The following EHF variants were observed in gnomAD, a reference collection of about 807,000 sequenced individuals.
EHF encodes ETS homologous factor.
EHF carries 14 observed loss-of-function variants against 45.1 expected under a neutral mutation model. The observed-to-expected ratio is 0.31, with a 90% CI of 0.21 to 0.49. The LOEUF is 0.49. Ranked by LOEUF, EHF falls within the 20% of genes least tolerant of loss-of-function variation. The probability of loss-of-function intolerance (pLI) is 0.99; values close to 1 mark genes in which losing one functional copy is unlikely to be tolerated. For missense variants in EHF, 282 were observed against 371.4 expected (o/e 0.76, Z 1.98); for synonymous variants, 136 against 131.8 (o/e 1.03, Z -0.22).
At chr11:34,645,252 A>G (rs1409965187) in intron 2 of EHF, among the ~76,000 whole-genome samples, 1 of 152,140 alleles carries the variant, frequency 6.6e-6, no homozygotes, top group African/African-American at 2.4e-5. Context: ...ACATATACAG[A>G]TGGTTAGCAC....
chr11:34,642,945 A>G (rs1241623993), intron 2 of EHF, among the ~76,000 whole-genome samples: 1 of 152,192 alleles, frequency 6.6e-6, no homozygotes, highest in Admixed American at 6.5e-5. Context: ...CCAAAATTCA[A>G]GGTTCCAGAT....
Position 34,651,813 on chromosome 11 carries a change from G to T in EHF, c.544+8G>T. On this transcript the variant is annotated splice_region_variant and intron_variant, in intron 6 of 8. Coordinates refer to ENST00000257831, the MANE Select transcript of EHF (RefSeq NM_012153.6). ...CCAGTCACCTTCCTGTTGGTAAGCT[G>T]TCATCACATCTGAGGCTGGGTATGC... 6.2e-7 allele frequency: 1 copy of T among 1,613,276 alleles called. No individual in the cohort carries two copies. The highest frequency in any genetic ancestry group is 1.3e-5 in the African/African-American group (1 of 75,014).
intron 1 of EHF, among the ~76,000 whole-genome samples, chr11:34,634,389 T>G (rs968251): frequency 0.085 from 12,991 of 152,274 alleles, 1,441 homozygotes; most frequent in East Asian, 0.61. Flanking sequence ...CTCCTTTGGC[T>G]TCAGAGGTAA....
In EHF at chr11:34,642,238, A is replaced by C. The variant is rs928108100; in HGVS notation, c.-3-390A>C. ...CACCAGCTTGGATTTTCATTGTTTG[A>C]AATTGCACTTTAAATACTTTAAATA... On this transcript the variant is annotated intron_variant, in intron 1 of 8. Transcript: ENST00000257831. 7.8e-5 allele frequency: 14 copies of C among 178,862 alleles called. No individual in the cohort carries two copies. The South Asian group carries it at 1.6e-3, about 20-fold the overall frequency. 11.1% of individuals were successfully genotyped at this position (178,862 alleles called of 1,614,324 possible). A position where few individuals can be genotyped will look rare whatever the true frequency, so the allele number is the denominator to read the frequency against.
intron 1 of EHF, among the ~76,000 whole-genome samples, chr11:34,631,115 T>A (rs1195605628): frequency 5.3e-5 from 8 of 152,222 alleles, no homozygotes; most frequent in Non-Finnish European, 8.8e-5. Context: ...CACTGCAACC[T>A]CCACCTCCTG....
At chr11:34,635,551 A>G (rs1345117497) in intron 1 of EHF, among the ~76,000 whole-genome samples, 1 of 147,106 alleles carries the variant, frequency 6.8e-6, no homozygotes, top group Non-Finnish European at 1.5e-5. Context: ...TCCCGGGTTC[A>G]AGTGATTCTC....
At chr11:34,638,973 G>C (rs1361842127) in intron 1 of EHF, among the ~76,000 whole-genome samples, 1 of 152,214 alleles carries the variant, frequency 6.6e-6, no homozygotes, top group Non-Finnish European at 1.5e-5. Context: ...TGATTTTGAT[G>C]GGGGACATGT....
At chr11:34,649,832 T>C (rs1402469943) in intron 4 of EHF, among the ~76,000 whole-genome samples, 1 of 152,220 alleles carries the variant, frequency 6.6e-6, no homozygotes, top group Non-Finnish European at 1.5e-5. Flanking sequence ...AAGCTTTCCA[T>C]AGACCTCCCT....
In EHF at chr11:34,649,201, T is replaced by C; in HGVS notation, c.406+120T>C. ...TTGCAGGAAACACAGGGAGGCCTTT[T>C]CCCTGGCTGTCTCTGATGGGCCACC... is the stretch of plus-strand genomic sequence containing the variant. On this transcript the variant is annotated intron_variant, in intron 4 of 8. Coordinates refer to ENST00000257831, the MANE Select transcript of EHF (RefSeq NM_012153.6). 4.1e-6 allele frequency: 4 copies of C among 986,182 alleles called. No individual in the cohort carries two copies. The South Asian group carries it at 5.9e-5, about 14-fold the overall frequency. 61.1% of individuals were successfully genotyped at this position (986,182 alleles called of 1,614,324 possible).
At chr11:34,648,880 C>A in intron 3 of EHF, 139 bp from the exon 4 acceptor site, 1 of 751,000 alleles carries the variant, frequency 1.3e-6, no homozygotes, top group Non-Finnish European at 2.1e-6. Context: ...ACAGAGAAAC[C>A]ACCTCCCATA....
chr11:34,656,871 A>C, intron 6 of EHF, 37 bp from the exon 7 acceptor site: 13 of 1,606,058 alleles, frequency 8.1e-6, no homozygotes, highest in Non-Finnish European at 1.1e-5. Flanking sequence ...AATTATAGGA[A>C]ATAGGTCAAT....
At chr11:34,656,048 C>T (rs1026918214) in intron 6 of EHF, among the ~76,000 whole-genome samples, 1 of 101,704 alleles carries the variant, frequency 9.8e-6, no homozygotes, top group African/African-American at 3.3e-5. Context: ...CTTTGGTCCT[C>T]CCAATACACA....
Position 34,663,240 on chromosome 11 carries a change from G to A in EHF, c.*4309G>A, listed in dbSNP as rs1056043096. Among the ~76,000 whole-genome samples, 2 of 151,888 alleles carry A rather than the reference G, an allele frequency of 1.3e-5. No homozygotes were observed. The highest frequency in any genetic ancestry group is 2.9e-5 in the Non-Finnish European group (2 of 67,970). On this transcript the variant is annotated 3_prime_UTR_variant, in exon 9 of 9. Transcript: ENST00000257831. ...TTTTTCAAAATATGTTTATTTGTTT[G>A]ATGGGTCCCAGGAAACACTAATAAA...
In EHF at chr11:34,622,212, G is replaced by A. The variant is rs553730573; in HGVS notation, c.-4+984G>A. On this transcript the variant is annotated intron_variant, in intron 1 of 8. Coordinates refer to ENST00000257831, the MANE Select transcript of EHF (RefSeq NM_012153.6). ...GAGGTGAGAAAGCGACATTTTCACC[G>A]TCCATCTTTGCTGATTTACCATGCT... is the stretch of plus-strand genomic sequence containing the variant. 1.2e-4 allele frequency: 27 copies of A among 226,876 alleles called. No individual in the cohort carries two copies. The South Asian group carries it at 1.2e-3, about 10-fold the overall frequency. 14.1% of individuals were successfully genotyped at this position (226,876 alleles called of 1,614,324 possible).
rs530046807 is a variant in EHF, at chr11:34,633,650, G to A, written c.-3-8978G>A. Among the ~76,000 whole-genome samples the A allele has an allele frequency of 4.6e-5, 7 of 152,244 alleles. No individual in the cohort carries two copies. The South Asian group carries it at 1.5e-3, about 32-fold the overall frequency. Reference sequence around the variant, plus strand: ...CCACAGAAAACAAGCAAAACCAGGAGGATGTAAATGTTTGGAAGAAGAGGA... The same window carrying A: ...CCACAGAAAACAAGCAAAACCAGGAAGATGTAAATGTTTGGAAGAAGAGGA... On this transcript the variant is annotated intron_variant, in intron 1 of 8. Coordinates refer to ENST00000257831, the MANE Select transcript of EHF (RefSeq NM_012153.6).
intron 1 of EHF, among the ~76,000 whole-genome samples, chr11:34,640,623 G>A (rs1853902277): frequency 6.6e-6 from 1 of 152,166 alleles, no homozygotes. Context: ...TGATTTCTTA[G>A]CTTTAGGGCA....
At chr11:34,636,606 T>C (rs1353275846) in intron 1 of EHF, among the ~76,000 whole-genome samples, 1 of 152,214 alleles carries the variant, frequency 6.6e-6, no homozygotes, top group Admixed American at 6.5e-5. Flanking sequence ...TTTTGTTATG[T>C]GGGGAGACTG....
At chr11:34,631,613 A>G in intron 1 of EHF, 3 of 980,264 alleles carry the variant, frequency 3.1e-6, no homozygotes, top group Non-Finnish European at 3.6e-6. Context: ...GTGGGTCTAC[A>G]CAGCCCGATT....
intron 4 of EHF, 125 bp downstream of exon 4, chr11:34,649,206 G>C (rs1854895497): frequency 1.1e-5 from 10 of 945,704 alleles, no homozygotes; most frequent in African/African-American, 3.2e-5. Context: ...CCTTTTCCCT[G>C]GCTGTCTCTG....
Sources: gnomAD v4.1 joint callset for allele counts (sites outside exome capture counted in the v4.1 genomes callset) on GRCh38, gnomAD v4.1.1 for gene constraint, MANE v1.5 for transcripts, NCBI Gene and HGNC (gene_info 2026-07-23, HGNC 2026-07-21) for gene names.